NKAIN3: variants seen among roughly 807,000 people sequenced by gnomAD.
The protein encoded by NKAIN3 is sodium/potassium-transporting ATPase subunit beta-1-interacting protein 3.
A neutral mutation model predicts 30.2 loss-of-function variants in NKAIN3; 25 were observed. The observed-to-expected ratio is 0.83, with a 90% CI of 0.60 to 1.16. The LOEUF (loss-of-function observed/expected upper bound fraction) is 1.16, where lower values mean the gene tolerates loss of function less well. Ranked by LOEUF, NKAIN3 falls within the 50% of genes most tolerant of loss-of-function variation. The pLI is 0.00. For synonymous variants in NKAIN3, 91 were observed against 89.6 expected (o/e 1.02, Z -0.09); for missense variants, 225 against 254.1 (o/e 0.89, Z 0.78).
intron 3 of NKAIN3, among the ~76,000 whole-genome samples, chr8:62,657,233 A>G (rs916670100): frequency 1.3e-5 from 2 of 152,222 alleles, no homozygotes; most frequent in African/African-American, 4.8e-5. Context: ...TCAATATTTC[A>G]TAAGTATACA....
intron 4 of NKAIN3, among the ~76,000 whole-genome samples, chr8:62,883,056 T>C (rs1821034329): frequency 6.6e-6 from 1 of 152,202 alleles, no homozygotes; most frequent in Admixed American, 6.5e-5. Context: ...CGTATTGCTC[T>C]CCATATAAAC....
chr8:62,805,844 C>G lies in NKAIN3; in HGVS notation c.471+58715C>G, dbSNP rs182644714. ...AAGAGCTTCTGCACAGCAAAAGAAA[C>G]TACCATCAGAGTATACAGGCAACCT... is the stretch of plus-strand genomic sequence containing the variant. On this transcript the variant is annotated intron_variant, in intron 4 of 6. Transcript: ENST00000623646. Among the ~76,000 whole-genome samples, 419 of 152,280 alleles carry G rather than the reference C, an allele frequency of 2.8e-3. 3 individuals carry two copies. Among genetic ancestry groups the G allele is most frequent in the African/African-American group, 9.7e-3 (404 of 41,568 alleles).
chr8:62,659,600 G>T (rs1812876450), intron 3 of NKAIN3, among the ~76,000 whole-genome samples: 4 of 152,194 alleles, frequency 2.6e-5, no homozygotes, highest in Non-Finnish European at 5.9e-5. Context: ...GGAGATGGGG[G>T]CTGCTTCTTG....
At chr8:62,290,852 T>C (rs567440539) in intron 1 of NKAIN3, among the ~76,000 whole-genome samples, 1 of 152,336 alleles carries the variant, frequency 6.6e-6, no homozygotes, top group East Asian at 1.9e-4. Flanking sequence ...AATTCAGCTG[T>C]GAATCCATCT....
At chr8:62,618,432 A>G (rs1289034784) in intron 3 of NKAIN3, among the ~76,000 whole-genome samples, 1 of 152,162 alleles carries the variant, frequency 6.6e-6, no homozygotes, top group African/African-American at 2.4e-5. Flanking sequence ...CACAAAGTCA[A>G]GCCAGTTCAA....
chr8:62,870,234 AGATATC>A (rs1413697975), intron 4 of NKAIN3, among the ~76,000 whole-genome samples: 1 of 141,306 alleles, frequency 7.1e-6, no homozygotes, highest in African/African-American at 2.7e-5. Context: ...ATCTATATAT[AGATATC>A]TATAGATATC....
chr8:62,762,701 G>T (rs767778919), intron 4 of NKAIN3, among the ~76,000 whole-genome samples: 81 of 152,140 alleles, frequency 5.3e-4, no homozygotes, highest in Admixed American at 9.2e-4. Context: ...AACAGTTCTT[G>T]CAGGAAAAGA....
chr8:62,560,812 A>T lies in NKAIN3; in HGVS notation c.55-18727A>T, dbSNP rs1219342419. Among the ~76,000 whole-genome samples, 5 of 152,078 alleles carry T rather than the reference A, an allele frequency of 3.3e-5. No individual in the cohort carries two copies. The East Asian group carries it at 9.6e-4, about 29-fold the overall frequency. ...CGTCTCGGCCTCCCAAAATGCTGGG[A>T]TTACAGGGGTGAGCCATCACGGAAT... is the stretch of plus-strand genomic sequence containing the variant. On this transcript the variant is annotated intron_variant, in intron 1 of 6. Transcript: ENST00000623646.
At chr8:62,586,285 C>T (rs957397957) in intron 2 of NKAIN3, among the ~76,000 whole-genome samples, 2 of 152,192 alleles carry the variant, frequency 1.3e-5, no homozygotes, top group African/African-American at 4.8e-5. Flanking sequence ...AAATGTCAAA[C>T]CTAAATTCCT....
chr8:62,379,929 C>T (rs1817216401), intron 1 of NKAIN3, among the ~76,000 whole-genome samples: 2 of 152,082 alleles, frequency 1.3e-5, no homozygotes, highest in Non-Finnish European at 2.9e-5. Flanking sequence ...TACAGAGGCT[C>T]AGGCAGGGCT....
chr8:62,559,760 A>G (rs1809511834), intron 1 of NKAIN3, among the ~76,000 whole-genome samples: 1 of 152,096 alleles, frequency 6.6e-6, no homozygotes, highest in Admixed American at 6.6e-5. Flanking sequence ...GTACCACAAC[A>G]GATGGCATTA....
intron 3 of NKAIN3, among the ~76,000 whole-genome samples, chr8:62,723,155 CA>C (rs1399923050): frequency 3.3e-5 from 5 of 151,954 alleles, no homozygotes; most frequent in Admixed American, 2.6e-4. Context: ...AGCTATGCTT[CA>C]AAAATGGAAT....
At chr8:62,354,845 A>C (rs778906746) in intron 1 of NKAIN3, among the ~76,000 whole-genome samples, 1 of 152,196 alleles carries the variant, frequency 6.6e-6, no homozygotes, top group African/African-American at 2.4e-5. Flanking sequence ...AGGCTCCCTG[A>C]TACATGTACA....
intron 5 of NKAIN3, among the ~76,000 whole-genome samples, chr8:62,940,407 G>A (rs1416984081): frequency 6.6e-6 from 1 of 151,984 alleles, no homozygotes; most frequent in Non-Finnish European, 1.5e-5. Context: ...TATACCCTGG[G>A]AACAAATGAA....
intron 1 of NKAIN3, among the ~76,000 whole-genome samples, chr8:62,556,106 A>G (rs1293145643): frequency 6.6e-6 from 1 of 152,046 alleles, no homozygotes; most frequent in Non-Finnish European, 1.5e-5. Flanking sequence ...GAAATGATGA[A>G]CAAGGAAGTG....
At position 62,915,222 on chromosome 8, in the gene NKAIN3, G is replaced by A. The variant is rs1822055051; in HGVS notation, c.472-3231G>A. On this transcript the variant is annotated intron_variant, in intron 4 of 6. Transcript: ENST00000623646. ...CCACGTCCTCATCTCTGGAACCTGT[G>A]AATAAATCATTGCACATGGCAAACG... Among the ~76,000 whole-genome samples the A allele has an allele frequency of 2.0e-5, 3 of 152,150 alleles. No individual in the cohort carries two copies. In the South Asian group the frequency reaches 6.2e-4, roughly 31 times the overall value.
chr8:62,839,916 C>A (rs1819479786), intron 4 of NKAIN3, among the ~76,000 whole-genome samples: 1 of 152,098 alleles, frequency 6.6e-6, no homozygotes, highest in Non-Finnish European at 1.5e-5. Context: ...CCCAGCCTGC[C>A]TAAGACATTT....
chr8:62,889,765 A>G (rs1209960949), intron 4 of NKAIN3, among the ~76,000 whole-genome samples: 1 of 152,218 alleles, frequency 6.6e-6, no homozygotes, highest in African/African-American at 2.4e-5. Context: ...AGCACCTAGG[A>G]TAGACCTTGA....
At chr8:62,252,141 T>A (rs946321452) in intron 1 of NKAIN3, among the ~76,000 whole-genome samples, 14 of 152,156 alleles carry the variant, frequency 9.2e-5, no homozygotes, top group Non-Finnish European at 1.6e-4. Flanking sequence ...CCAACTGTTT[T>A]TTTTTTGCTC....
Sources: allele counts gnomAD v4.1 joint callset (sites outside exome capture counted in the v4.1 genomes callset), GRCh38; gene constraint gnomAD v4.1.1; transcripts MANE v1.5; gene names NCBI Gene and HGNC (gene_info 2026-07-23, HGNC 2026-07-21).